DGKB: variants seen among roughly 807,000 people sequenced by gnomAD.
DGKB encodes the protein 90 kDa diacylglycerol kinase.
A neutral mutation model predicts 114.3 loss-of-function variants in DGKB; 67 were observed. That is an observed-to-expected ratio of 0.59 (90% CI 0.48 to 0.72). The LOEUF is 0.72. DGKB is among the 30% of genes least tolerant of loss of function. The probability of loss-of-function intolerance (pLI) is 0.00; values close to 1 mark genes in which losing one functional copy is unlikely to be tolerated. For synonymous variants in DGKB, 398 were observed against 323.1 expected, an observed-to-expected ratio of 1.23 and a Z score of -2.49; for missense variants, 907 against 975.2, an observed-to-expected ratio of 0.93 and a Z score of 0.93.
At chr7:14,164,891 G>A (rs559172834) in intron 25 of DGKB, among the ~76,000 whole-genome samples, 1 of 152,228 alleles carries the variant, frequency 6.6e-6, no homozygotes, top group South Asian at 2.1e-4. Flanking sequence ...ATCACTAAAT[G>A]TGATATATGG....
rs1003299174 is a variant in DGKB, at chr7:14,780,827, A to G, written c.71-23096T>C. On this transcript the variant is annotated intron_variant, in intron 2 of 25. Coordinates refer to ENST00000402815, the MANE Select transcript of DGKB (RefSeq NM_001350709.2). ...ATTCTTTATGCTGGCATCATAACGT[A>G]GTTTCTGAGAAGGCTTGCTATTCTT... Among the ~76,000 whole-genome samples, 3 of 152,194 alleles carry G rather than the reference A, an allele frequency of 2.0e-5. No individual in the cohort carries two copies. In the East Asian group the frequency reaches 5.8e-4, roughly 29 times the overall value.
chr7:14,834,399 C>T (rs920503708), intron 2 of DGKB, among the ~76,000 whole-genome samples: 12 of 152,108 alleles, frequency 7.9e-5, no homozygotes, highest in African/African-American at 2.9e-4. Context: ...TCAGTTCTCC[C>T]CTGGCACTGG....
At chr7:14,505,813 A>G (rs1246269018) in intron 20 of DGKB, among the ~76,000 whole-genome samples, 1 of 152,202 alleles carries the variant, frequency 6.6e-6, no homozygotes, top group Non-Finnish European at 1.5e-5. Flanking sequence ...CCTCATGTGT[A>G]AATTCTCTTT....
rs1346893891 is a variant in DGKB at position 14,757,084 on chromosome 7, A to T, written c.147+571T>A. Among the ~76,000 whole-genome samples the T allele has an allele frequency of 3.3e-5, 5 of 152,100 alleles. No homozygotes were observed. The East Asian group carries it at 9.6e-4, about 29-fold the overall frequency. On this transcript the variant is annotated intron_variant, in intron 3 of 25. Transcript: ENST00000402815. ...TTACTGGTAAAAGGTAAAATAGAAG[A>T]TTAAAAAAATTCCTCCCTTTTTGTA...
chr7:14,747,078 A>G (rs548162626), intron 4 of DGKB, among the ~76,000 whole-genome samples: 1 of 152,312 alleles, frequency 6.6e-6, no homozygotes, highest in South Asian at 2.1e-4. Flanking sequence ...TGTTACTGAC[A>G]ATGTAAGCTT....
At chr7:14,359,627 AG>A (rs1815300476) in intron 21 of DGKB, among the ~76,000 whole-genome samples, 1 of 152,204 alleles carries the variant, frequency 6.6e-6, no homozygotes, top group Admixed American at 6.5e-5. Context: ...CAAGATAAAA[AG>A]CAAACAACCC....
chr7:14,462,490 T>G (rs981264044), intron 21 of DGKB, among the ~76,000 whole-genome samples: 7 of 152,098 alleles, frequency 4.6e-5, no homozygotes, highest in African/African-American at 1.4e-4. Flanking sequence ...ATGAGTGAAC[T>G]CCCATTCACA....
At chr7:14,848,355 C>A (rs974453200) in intron 1 of DGKB, among the ~76,000 whole-genome samples, 2 of 152,082 alleles carry the variant, frequency 1.3e-5, no homozygotes, top group Admixed American at 6.5e-5. Context: ...AAACAATTTC[C>A]AAATACTAGA....
chr7:14,678,363 C>A (rs912510777), intron 12 of DGKB, among the ~76,000 whole-genome samples: 2 of 151,916 alleles, frequency 1.3e-5, no homozygotes, highest in African/African-American at 2.4e-5. Context: ...GATATATTAG[C>A]GTCAAGAAAA....
intron 20 of DGKB, among the ~76,000 whole-genome samples, chr7:14,539,624 T>A (rs1584678505): frequency 6.6e-6 from 1 of 152,094 alleles, no homozygotes; most frequent in South Asian, 2.1e-4. Flanking sequence ...AAATCTTACA[T>A]AACATACAGT....
chr7:14,259,407 CTATATA>C (rs71975347), intron 23 of DGKB, among the ~76,000 whole-genome samples: 15,626 of 107,928 alleles, frequency 0.14, 1,045 homozygotes, highest in Non-Finnish European at 0.22. Context: ...CTCTCTCTCT[CTATATA>C]TATATATATA....
At chr7:14,535,420 G>C (rs1240230470) in intron 20 of DGKB, among the ~76,000 whole-genome samples, 1 of 145,850 alleles carries the variant, frequency 6.9e-6, no homozygotes, top group Non-Finnish European at 1.5e-5. Context: ...AAATTAAAAA[G>C]AAGAAGTATC....
chr7:14,496,752 T>A (rs1785368657), intron 20 of DGKB, among the ~76,000 whole-genome samples: 1 of 151,768 alleles, frequency 6.6e-6, no homozygotes, highest in Non-Finnish European at 1.5e-5. Context: ...TAACTTTTGC[T>A]ACAAAGATGA....
intron 23 of DGKB, among the ~76,000 whole-genome samples, chr7:14,313,766 G>A (rs1156538185): frequency 6.6e-6 from 1 of 152,224 alleles, no homozygotes. Context: ...AGCTCCAACT[G>A]GGTGGAGCCC....
chr7:14,945,811 T>A (rs979738935), intron 1 of DGKB, among the ~76,000 whole-genome samples: 1 of 151,880 alleles, frequency 6.6e-6, no homozygotes, highest in East Asian at 1.9e-4. Context: ...TATTTAGAAT[T>A]AGTAAAATTC....
chr7:14,391,485 C>G (rs1440132088), intron 21 of DGKB, among the ~76,000 whole-genome samples: 1 of 148,892 alleles, frequency 6.7e-6, no homozygotes, highest in Non-Finnish European at 1.5e-5. Context: ...CAAGACCAGC[C>G]TAAGCAACAT....
chr7:14,380,753 T>G (rs1251046626), intron 21 of DGKB, among the ~76,000 whole-genome samples: 1 of 152,176 alleles, frequency 6.6e-6, no homozygotes, highest in Non-Finnish European at 1.5e-5. Flanking sequence ...TAGTATATAT[T>G]TTTTCCAATT....
At chr7:14,900,396 G>C (rs1400198665) in intron 1 of DGKB, among the ~76,000 whole-genome samples, 1 of 152,092 alleles carries the variant, frequency 6.6e-6, no homozygotes, top group East Asian at 1.9e-4. Context: ...CAACAGTATT[G>C]TGCATATATA....
chr7:14,903,281 C>G, upstream of DGKB: 1 of 150,604 alleles, frequency 6.6e-6, no homozygotes, highest in East Asian at 1.9e-4. Context: ...TGCGCGGCTG[C>G]AAGCACCAGC....
Sources: gnomAD v4.1 joint callset for allele counts (sites outside exome capture counted in the v4.1 genomes callset) on GRCh38, gnomAD v4.1.1 for gene constraint, MANE v1.5 for transcripts, NCBI Gene and HGNC (gene_info 2026-07-23, HGNC 2026-07-21) for gene names.